Variants in ADAMTSL1 observed in about 807,000 individuals in gnomAD.
ADAMTSL1 encodes ADAMTS-like protein 1.
A neutral mutation model predicts 201.8 loss-of-function variants in ADAMTSL1; 126 were observed. The ratio of observed to expected loss-of-function variants is 0.62; its 90% CI spans 0.54 to 0.72. The LOEUF (loss-of-function observed/expected upper bound fraction) is 0.72, where lower values mean the gene tolerates loss of function less well. Among genes scored for constraint, ADAMTSL1 ranks in the 30% least tolerant of loss-of-function variants. The pLI is 0.00. For synonymous variants in ADAMTSL1, 1,121 were observed against 903.4 expected, an observed-to-expected ratio of 1.24 and a Z score of -4.32; for missense variants, 2,679 against 2,277.8, an observed-to-expected ratio of 1.18 and a Z score of -3.59.
At chr9:18,180,692 T>C (rs1587245572) in intron 2 of ADAMTSL1, among the ~76,000 whole-genome samples, 2 of 152,076 alleles carry the variant, frequency 1.3e-5, no homozygotes, top group Admixed American at 6.5e-5. Context: ...ATCAATATCA[T>C]GAAAATGGCC....
chr9:17,981,740 A>T (rs887632000), intron 1 of ADAMTSL1, among the ~76,000 whole-genome samples: 1 of 152,178 alleles, frequency 6.6e-6, no homozygotes, highest in African/African-American at 2.4e-5. Flanking sequence ...ATGATCACAC[A>T]TTGTTAGATA....
chr9:18,565,137 T>G (rs925080044), intron 3 of ADAMTSL1, among the ~76,000 whole-genome samples: 2 of 152,212 alleles, frequency 1.3e-5, no homozygotes, highest in Non-Finnish European at 2.9e-5. Flanking sequence ...GAAGGTGGGA[T>G]TGATGATTCA....
rs557637037 is a variant in ADAMTSL1, at chr9:18,668,996, C to A, written c.1086-6861C>A. On this transcript the variant is annotated intron_variant, in intron 9 of 28. Coordinates refer to ENST00000380548, the MANE Select transcript of ADAMTSL1 (RefSeq NM_001040272.6). ...TACAGTATCTCTACATAAAGACAGG[C>A]ATAAAGGCAGGCAACCTGATGCCTG... 3.3e-5 allele frequency among the ~76,000 whole-genome samples: 5 copies of A among 152,326 alleles called. 1 individual carries two copies. The highest frequency in any genetic ancestry group is 1.2e-4 in the African/African-American group (5 of 41,580).
At chr9:18,724,316 G>T (rs1323732147) in intron 15 of ADAMTSL1, among the ~76,000 whole-genome samples, 2 of 152,148 alleles carry the variant, frequency 1.3e-5, no homozygotes, top group African/African-American at 4.8e-5. Flanking sequence ...AATACCAAAG[G>T]CCCTAGAGGG....
chr9:18,620,119 C>T (rs1272753163), intron 4 of ADAMTSL1, among the ~76,000 whole-genome samples: 1 of 149,856 alleles, frequency 6.7e-6, no homozygotes, highest in Non-Finnish European at 1.5e-5. Flanking sequence ...TCATGTGACA[C>T]CTCCCTTCCA....
chr9:18,901,225 CA>C (rs1829999423), intron 26 of ADAMTSL1, among the ~76,000 whole-genome samples: 1 of 151,896 alleles, frequency 6.6e-6, no homozygotes. Context: ...AACTGTCCTT[CA>C]AAAATGAGGG....
chr9:18,264,962 T>G (rs1832064477), intron 2 of ADAMTSL1, among the ~76,000 whole-genome samples: 1 of 152,172 alleles, frequency 6.6e-6, no homozygotes, highest in Admixed American at 6.5e-5. Context: ...AATAGTAAAT[T>G]GTCTTACAAA....
At position 18,444,388 on chromosome 9, in the gene ADAMTSL1, TA is replaced by T. The variant is rs1820110245; in HGVS notation, c.208-60438del. On this transcript the variant is annotated intron_variant, in intron 2 of 29. Transcript: ENST00000680146. ...TAAATAACTTGCCTAAGTTTGTTAC[TA>T]AATGGTGGATATGGGATTTGAATTT... Among the ~76,000 whole-genome samples the T allele has an allele frequency of 2.0e-5, 3 of 152,176 alleles. No homozygotes were observed. In the South Asian group the frequency reaches 6.2e-4, roughly 32 times the overall value.
At chr9:18,018,639 C>T (rs554552344) in intron 1 of ADAMTSL1, among the ~76,000 whole-genome samples, 4 of 152,028 alleles carry the variant, frequency 2.6e-5, no homozygotes, top group Non-Finnish European at 5.9e-5. Context: ...ACCCCATATG[C>T]AAACCCCATC....
upstream of ADAMTSL1, chr9:18,473,840 T>G: frequency 4.1e-6 from 1 of 243,220 alleles, no homozygotes; most frequent in Non-Finnish European, 8.0e-6. Context: ...ACTAACCAGG[T>G]CCATGGGAAG....
chr9:18,883,297 G>C (rs1448905273), intron 23 of ADAMTSL1, among the ~76,000 whole-genome samples: 1 of 152,128 alleles, frequency 6.6e-6, no homozygotes, highest in Non-Finnish European at 1.5e-5. Context: ...TCTTCCTCTT[G>C]GGATCATCAG....
At chr9:18,562,748 G>T (rs181242314) in intron 3 of ADAMTSL1, among the ~76,000 whole-genome samples, 4 of 151,912 alleles carry the variant, frequency 2.6e-5, no homozygotes, top group African/African-American at 9.7e-5. Flanking sequence ...TTGTCTTCAC[G>T]GTTTATTTCA....
intron 2 of ADAMTSL1, among the ~76,000 whole-genome samples, chr9:18,220,058 G>C (rs1240946244): frequency 1.3e-5 from 2 of 151,974 alleles, no homozygotes; most frequent in Admixed American, 6.5e-5. Flanking sequence ...GATTTTATTG[G>C]GGGTGTTTTT....
At chr9:18,342,803 C>T (rs1028970706) in intron 2 of ADAMTSL1, among the ~76,000 whole-genome samples, 2 of 152,094 alleles carry the variant, frequency 1.3e-5, no homozygotes, top group East Asian at 1.9e-4. Flanking sequence ...CAAGGATTAC[C>T]TCTCTGTGTT....
intron 19 of ADAMTSL1, among the ~76,000 whole-genome samples, chr9:18,784,223 T>C (rs1198085044): frequency 6.6e-6 from 1 of 152,198 alleles, no homozygotes; most frequent in African/African-American, 2.4e-5. Context: ...ATCCACATAG[T>C]ACCCTATGCA....
chr9:18,409,712 C>T (rs1818352998), intron 2 of ADAMTSL1, among the ~76,000 whole-genome samples: 1 of 150,294 alleles, frequency 6.7e-6, no homozygotes, highest in Non-Finnish European at 1.5e-5. Context: ...ACAGCCATAA[C>T]ATGTATGTAT....
chr9:18,253,732 T>A (rs1173899389), intron 2 of ADAMTSL1, among the ~76,000 whole-genome samples: 2 of 152,134 alleles, frequency 1.3e-5, no homozygotes, highest in African/African-American at 4.8e-5. Flanking sequence ...TTAATCCAAT[T>A]TGATGCTTTA....
In ADAMTSL1 at chr9:18,533,291, T is replaced by C. The variant is rs1164205025; in HGVS notation, c.236T>C (p.Val79Ala). The C allele has an allele frequency of 6.2e-7, 1 of 1,609,312 alleles. No individual in the cohort carries two copies. Among genetic ancestry groups the C allele is most frequent in the Admixed American group, 1.7e-5 (1 of 59,568 alleles). Residue 79 changes from valine (V) to alanine (A), a missense_variant and splice_region_variant, in exon 3 of 29, where the codon GTG becomes GCG. By Grantham distance (64) the Val-to-Ala change is moderately conservative. Coordinates refer to ENST00000380548, the MANE Select transcript of ADAMTSL1 (RefSeq NM_001040272.6). ...RNIRYRTCSN[V>A]DCPPEAGDFR... ...ATCCGATACAGAACATGCAGTAATG[T>C]GGTAAGTATAAGGTTCTGAGATTGT...
chr9:18,688,017 T>G (rs1830942545), intron 13 of ADAMTSL1, among the ~76,000 whole-genome samples: 1 of 152,030 alleles, frequency 6.6e-6, no homozygotes, highest in African/African-American at 2.4e-5. Context: ...CTTCTACATG[T>G]TGATTTTTTT....
Sources: gnomAD v4.1 joint callset for allele counts (sites outside exome capture counted in the v4.1 genomes callset) on GRCh38, gnomAD v4.1.1 for gene constraint, MANE v1.5 for transcripts, NCBI Gene and HGNC (gene_info 2026-07-23, HGNC 2026-07-21) for gene names.